Variants in PANK1 observed in about 807,000 individuals in gnomAD.
The protein encoded by PANK1 is pantothenic acid kinase 1.
PANK1 carries 18 observed loss-of-function variants against 40.1 expected under a neutral mutation model. The observed-to-expected ratio is 0.45, with a 90% CI of 0.31 to 0.67. The LOEUF is 0.67. Among genes scored for constraint, PANK1 ranks in the 30% least tolerant of loss-of-function variants. The pLI is 0.06. For missense variants in PANK1, 457 were observed against 599.6 expected (o/e 0.76, Z 2.48); for synonymous variants, 242 against 237.7 (o/e 1.02, Z -0.17).
At chr10:89,595,101 CTGTT>C (rs1844521526) in intron 3 of PANK1, among the ~76,000 whole-genome samples, 1 of 152,178 alleles carries the variant, frequency 6.6e-6, no homozygotes, top group South Asian at 2.1e-4. Flanking sequence ...ATGTCAATAA[CTGTT>C]AACAAGAAGG....
intron 1 of PANK1, among the ~76,000 whole-genome samples, chr10:89,641,382 T>C (rs1013637647): frequency 7.9e-5 from 12 of 152,178 alleles, no homozygotes; most frequent in Non-Finnish European, 1.5e-4. Context: ...GTAACAGATT[T>C]GGGGTTTTTC....
intron 1 of PANK1, chr10:89,626,344 G>T (rs1006362707): frequency 1.8e-4 from 25 of 140,530 alleles, no homozygotes; most frequent in African/African-American, 6.7e-4. Context: ...TTGCTCTGTC[G>T]CCCAGGCTGG....
intron 3 of PANK1, among the ~76,000 whole-genome samples, chr10:89,598,301 T>C (rs371398709): frequency 1.1e-3 from 168 of 152,314 alleles, no homozygotes; most frequent in African/African-American, 3.9e-3. Flanking sequence ...AGAATTTCAG[T>C]ACTGGAAAAA....
chr10:89,620,933 A>T (rs1017337941), intron 1 of PANK1, among the ~76,000 whole-genome samples: 1 of 152,204 alleles, frequency 6.6e-6, no homozygotes, highest in Non-Finnish European at 1.5e-5. Context: ...TCCCCGATAC[A>T]CTTCAAAGAT....
chr10:89,638,654 T>C (rs1841891331), intron 1 of PANK1, among the ~76,000 whole-genome samples: 2 of 152,374 alleles, frequency 1.3e-5, no homozygotes, highest in South Asian at 4.1e-4. Context: ...GCTCTTACAT[T>C]CTGCCTTCCA....
chr10:89,595,172 C>T (rs750181348), intron 3 of PANK1, among the ~76,000 whole-genome samples: 26 of 152,268 alleles, frequency 1.7e-4, no homozygotes, highest in Non-Finnish European at 2.9e-4. Context: ...CGAAACTGAC[C>T]GGGCGTGGTG....
intron 3 of PANK1, among the ~76,000 whole-genome samples, chr10:89,596,525 T>A (rs987909353): frequency 1.3e-5 from 2 of 152,218 alleles, no homozygotes; most frequent in African/African-American, 4.8e-5. Context: ...GAGGAAAGAA[T>A]GCATGGCTGC....
intron 3 of PANK1, among the ~76,000 whole-genome samples, chr10:89,595,287 T>G (rs1844527729): frequency 6.6e-6 from 1 of 151,290 alleles, no homozygotes; most frequent in South Asian, 2.1e-4. Flanking sequence ...TCTGTCTCCA[T>G]TAAAAATACA....
At chr10:89,624,878 T>C (rs1845612823) in intron 1 of PANK1, among the ~76,000 whole-genome samples, 1 of 152,202 alleles carries the variant, frequency 6.6e-6, no homozygotes, top group East Asian at 1.9e-4. Context: ...TGAATCAAAA[T>C]GAATACTGTA....
intron 1 of PANK1, among the ~76,000 whole-genome samples, chr10:89,612,414 A>G (rs1202803748): frequency 6.6e-6 from 1 of 152,196 alleles, no homozygotes; most frequent in African/African-American, 2.4e-5. Context: ...TTTTGCATAC[A>G]TCCTGGATCC....
chr10:89,618,335 T>A (rs1438117852), intron 1 of PANK1, among the ~76,000 whole-genome samples: 1 of 152,152 alleles, frequency 6.6e-6, no homozygotes, highest in African/African-American at 2.4e-5. Context: ...GGGGTGGTGA[T>A]GAAGAGCAGA....
rs145475416 is a variant in PANK1 at position 89,593,200 on chromosome 10, A to G, written c.1197T>C (p.Asn399=). Residue 399 remains asparagine (N), a synonymous_variant, in exon 5 of 7, where the codon AAT becomes AAC. Coordinates refer to ENST00000307534, the MANE Select transcript of PANK1 (RefSeq NM_148977.3). ...ACCGGGTTGAGTAAGGCCTTACCTC[A>G]TTCAACGCGCACATCCGAGCAATGG... ...IGSIARMCAL[N]ENIDRVVFVG... is the part of the protein sequence containing the mutation. 1 of 1,613,606 alleles carries G rather than the reference A, an allele frequency of 6.2e-7. No individual in the cohort carries two copies. Among genetic ancestry groups the G allele is most frequent in the Non-Finnish European group, 8.5e-7 (1 of 1,179,680 alleles).
At chr10:89,643,898 C>T (rs1029991483) in intron 1 of PANK1, 440 of 1,402,568 alleles carry the variant, frequency 3.1e-4, no homozygotes, top group Non-Finnish European at 3.9e-4. Context: ...CGGCTTTCTC[C>T]GGTGTACATT....
In PANK1 at chr10:89,595,873, T is replaced by TATATATATATATATAA. The variant is rs781450193; in HGVS notation, c.900-1885_900-1884insTTATATATATATATAT. Among the ~76,000 whole-genome samples, 40 of 81,438 alleles carry TATATATATATATATAA rather than the reference T, an allele frequency of 4.9e-4. 2 individuals carry two copies. Among genetic ancestry groups the TATATATATATATATAA allele is most frequent in the African/African-American group, 8.1e-4 (15 of 18,436 alleles). The allele number at this position is 81,438 out of a possible 152,430, so 53.4% of individuals were successfully genotyped here. A position where few individuals can be genotyped will look rare whatever the true frequency, so the allele number is the denominator to read the frequency against. On this transcript the variant is annotated intron_variant, in intron 3 of 6. Transcript: ENST00000307534. ...ATATATATATATATATATATATATA[T>TATATATATATATATAA]AACTTCATTTACTAATATATATATG...
chr10:89,629,603 C>G (rs1271439545), intron 1 of PANK1, among the ~76,000 whole-genome samples: 2 of 152,182 alleles, frequency 1.3e-5, no homozygotes, highest in East Asian at 3.8e-4. Flanking sequence ...TTTGCACTGT[C>G]TCATTTTACA....
intron 2 of PANK1, among the ~76,000 whole-genome samples, chr10:89,601,767 C>T (rs929827821): frequency 1.3e-5 from 2 of 152,150 alleles, no homozygotes; most frequent in African/African-American, 4.8e-5. Context: ...CCAAGTGAAA[C>T]TTCTGTATGA....
At chr10:89,580,680 G>A (rs889780129), downstream of PANK1, 3 of 152,182 alleles carry the variant, frequency 2.0e-5, no homozygotes, top group Admixed American at 6.6e-5. Context: ...TCTCTTCTGG[G>A]TAGAGGCCAC....
intron 2 of PANK1, 55 bp from the exon 3 acceptor site, chr10:89,599,560 G>T (rs943949082): frequency 6.5e-7 from 1 of 1,548,666 alleles, no homozygotes; most frequent in African/African-American, 1.4e-5. Flanking sequence ...ACCATCTAAG[G>T]GGAAGCCCCA....
At chr10:89,610,141 G>A (rs7921294) in intron 2 of PANK1, among the ~76,000 whole-genome samples, 29 of 152,160 alleles carry the variant, frequency 1.9e-4, no homozygotes, top group African/African-American at 6.8e-4. Flanking sequence ...AGCACAAGAA[G>A]GCTATACTTT....
Sources: allele counts gnomAD v4.1 joint callset (sites outside exome capture counted in the v4.1 genomes callset), GRCh38; gene constraint gnomAD v4.1.1; transcripts MANE v1.5; gene names NCBI Gene and HGNC (gene_info 2026-07-23, HGNC 2026-07-21).